SGCD: variants seen among roughly 807,000 people sequenced by gnomAD.
The protein encoded by SGCD is delta-sarcoglycan.
In SGCD, 18 loss-of-function variants were observed where a neutral mutation model predicts 36.6. The ratio of observed to expected loss-of-function variants is 0.49; its 90% confidence interval spans 0.34 to 0.73. The LOEUF (loss-of-function observed/expected upper bound fraction) is 0.73. Ranked by LOEUF, SGCD falls within the 30% of genes least tolerant of loss-of-function variation. SGCD has a pLI of 0.01. For missense variants in SGCD, 387 were observed against 346.7 expected, an observed-to-expected ratio of 1.12 and a Z score of -0.92; for synonymous variants, 133 against 130.6, an observed-to-expected ratio of 1.02 and a Z score of -0.12.
chr5:156,355,024 A>G (rs560163853), intron 3 of SGCD, among the ~76,000 whole-genome samples: 40 of 152,356 alleles, frequency 2.6e-4, no homozygotes, highest in African/African-American at 8.4e-4. Context: ...AACATTGAAG[A>G]TGTCTATTTA....
At chr5:156,120,336 A>C (rs976950624) in intron 2 of SGCD, among the ~76,000 whole-genome samples, 5 of 152,168 alleles carry the variant, frequency 3.3e-5, no homozygotes, top group Non-Finnish European at 7.3e-5. Context: ...TCTCTCTATC[A>C]AGCAGAAATT....
At chr5:156,160,464 A>C (rs1255032070) in intron 3 of SGCD, among the ~76,000 whole-genome samples, 1 of 151,650 alleles carries the variant, frequency 6.6e-6, no homozygotes, top group Non-Finnish European at 1.5e-5. Flanking sequence ...TTATAGTCTC[A>C]AGATGCGTCC....
intron 6 of SGCD, among the ~76,000 whole-genome samples, chr5:156,608,515 A>T (rs1761600123): frequency 6.6e-6 from 1 of 152,212 alleles, no homozygotes; most frequent in African/African-American, 2.4e-5. Flanking sequence ...AAGAATGTAT[A>T]TTCTGTTGAT....
In SGCD at chr5:156,535,773, C is replaced by T. The variant is rs902256076; in HGVS notation, c.294+27071C>T. 5.3e-5 allele frequency among the ~76,000 whole-genome samples: 8 copies of T among 152,222 alleles called. No individual in the cohort carries two copies. The South Asian group carries it at 1.7e-3, about 32-fold the overall frequency. Reference sequence around the variant, plus strand: ...ATATTTGGTGACAGTCTAAAACATTCTAGTAAATATTCCAAAATGTTATTG... The same window carrying T: ...ATATTTGGTGACAGTCTAAAACATTTTAGTAAATATTCCAAAATGTTATTG... On this transcript the variant is annotated intron_variant, in intron 4 of 8. Coordinates refer to ENST00000337851, the MANE Select transcript of SGCD (RefSeq NM_000337.6).
chr5:156,345,107 TA>T (rs143469988), intron 3 of SGCD, among the ~76,000 whole-genome samples: 3,872 of 152,342 alleles, frequency 0.025, 158 homozygotes, highest in African/African-American at 0.088. Flanking sequence ...ATTATCTATC[TA>T]AAAATTTTAA....
chr5:155,793,373 A>G, the SGCD span, among the ~76,000 whole-genome samples: 1 of 152,160 alleles, frequency 6.6e-6, no homozygotes, highest in East Asian at 1.9e-4. Context: ...ACAAACCTGC[A>G]CATGTACCCC....
At chr5:156,674,105 C>G (rs982916589) in intron 7 of SGCD, among the ~76,000 whole-genome samples, 15 of 152,224 alleles carry the variant, frequency 9.9e-5, no homozygotes, top group Non-Finnish European at 1.9e-4. Context: ...TAGGCTTCTT[C>G]TGATTGCCTA....
chr5:156,705,341 T>TG (rs1168869698), intron 7 of SGCD, among the ~76,000 whole-genome samples: 1 of 152,182 alleles, frequency 6.6e-6, no homozygotes, highest in Non-Finnish European at 1.5e-5. Context: ...GTCCTGTCCA[T>TG]GTCAGGGAAT....
chr5:156,484,923 A>G (rs1755590000), intron 3 of SGCD, among the ~76,000 whole-genome samples: 1 of 152,330 alleles, frequency 6.6e-6, no homozygotes, highest in Middle Eastern at 3.4e-3. Flanking sequence ...CCACTGGCCA[A>G]TTCATATCTC....
chr5:156,745,743 AGAAAT>A (rs1212150413), intron 7 of SGCD, among the ~76,000 whole-genome samples: 7 of 152,344 alleles, frequency 4.6e-5, no homozygotes, highest in South Asian at 2.1e-4. Flanking sequence ...ACATTAGAAA[AGAAAT>A]GAAACAGAAT....
intron 1 of SGCD, among the ~76,000 whole-genome samples, chr5:156,004,164 G>C (rs1418570751): frequency 6.6e-6 from 1 of 151,984 alleles, no homozygotes; most frequent in Non-Finnish European, 1.5e-5. Context: ...TATTTCAGGG[G>C]GAGAGGCTAT....
chr5:156,550,441 T>G (rs1462887448), intron 4 of SGCD, among the ~76,000 whole-genome samples: 1 of 152,230 alleles, frequency 6.6e-6, no homozygotes, highest in Non-Finnish European at 1.5e-5. Flanking sequence ...GTGCCCCTGC[T>G]TACCCATTCT....
chr5:156,278,441 G>T (rs1290772529), intron 3 of SGCD, among the ~76,000 whole-genome samples: 1 of 152,176 alleles, frequency 6.6e-6, no homozygotes, highest in East Asian at 1.9e-4. Context: ...AACAAGAGAT[G>T]CTGATGACTC....
intron 7 of SGCD, among the ~76,000 whole-genome samples, chr5:156,696,624 C>G (rs1375218337): frequency 6.6e-6 from 1 of 152,128 alleles, no homozygotes; most frequent in Non-Finnish European, 1.5e-5. Flanking sequence ...ATTCTCCTGC[C>G]TCAGCCTCCT....
At chr5:156,334,063 T>C (rs1297855551) in intron 2 of SGCD, among the ~76,000 whole-genome samples, 3 of 152,138 alleles carry the variant, frequency 2.0e-5, no homozygotes, top group Non-Finnish European at 4.4e-5. Context: ...ATATTGTCCA[T>C]GTTCCCTTTA....
At chr5:156,171,258 T>C (rs753654064) in intron 3 of SGCD, among the ~76,000 whole-genome samples, 14 of 152,240 alleles carry the variant, frequency 9.2e-5, no homozygotes, top group Non-Finnish European at 1.3e-4. Flanking sequence ...AGCATTTTAA[T>C]TTCAATCACT....
At chr5:156,035,561 G>A (rs1759468459) in intron 1 of SGCD, among the ~76,000 whole-genome samples, 1 of 152,148 alleles carries the variant, frequency 6.6e-6, no homozygotes, top group Non-Finnish European at 1.5e-5. Flanking sequence ...AGTGAGCCAT[G>A]ATTGTGCCAC....
intron 1 of SGCD, among the ~76,000 whole-genome samples, chr5:155,992,567 C>A (rs1758455153): frequency 6.6e-6 from 1 of 152,100 alleles, no homozygotes; most frequent in East Asian, 1.9e-4. Context: ...AGGAATTCCC[C>A]CTACCATGAG....
At chr5:156,238,491 A>G (rs1201557216) in intron 3 of SGCD, among the ~76,000 whole-genome samples, 1 of 152,216 alleles carries the variant, frequency 6.6e-6, no homozygotes, top group Non-Finnish European at 1.5e-5. Context: ...CAAAAGGCTG[A>G]ACCTCTTGGT....
Sources: gnomAD v4.1 joint callset for allele counts (sites outside exome capture counted in the v4.1 genomes callset) on GRCh38, gnomAD v4.1.1 for gene constraint, MANE v1.5 for transcripts, NCBI Gene and HGNC (gene_info 2026-07-23, HGNC 2026-07-21) for gene names.